The following TLK1 variants were observed in gnomAD, a reference collection of about 807,000 sequenced individuals.
TLK1 encodes the protein serine/threonine-protein kinase tousled-like 1.
Under a neutral mutation model 105.3 loss-of-function variants are expected in TLK1, and 24 were observed. The observed-to-expected ratio is 0.23, with a 90% CI of 0.17 to 0.32. TLK1 has a LOEUF of 0.32. Among genes scored for constraint, TLK1 ranks in the 10% least tolerant of loss-of-function variants. TLK1 has a pLI of 1.00. For synonymous variants in TLK1, 321 were observed against 310.4 expected (o/e 1.03, Z -0.36); for missense variants, 558 against 910.5 (o/e 0.61, Z 4.98).
intron 1 of TLK1, among the ~76,000 whole-genome samples, chr2:171,202,254 G>C (rs1444719558): frequency 2.6e-5 from 4 of 151,936 alleles, no homozygotes; most frequent in Non-Finnish European, 5.9e-5. Flanking sequence ...TCAGGAGTTC[G>C]AGATCAGCCT....
rs559094369 is a variant in TLK1, at chr2:171,112,347, T to C, written c.258+5392A>G. ...TTTAAGAATCTATTAAATTATTGTATTAATAATCCAAAGGAGAAAAATCTG... is the reference window on the plus strand; with the variant it reads ...TTTAAGAATCTATTAAATTATTGTACTAATAATCCAAAGGAGAAAAATCTG... On this transcript the variant is annotated intron_variant, in intron 2 of 20. Transcript: ENST00000431350. Among the ~76,000 whole-genome samples the C allele has an allele frequency of 2.2e-4, 34 of 152,340 alleles. No homozygotes were observed. In the South Asian group the frequency reaches 6.6e-3, roughly 30 times the overall value.
At position 171,092,632 on chromosome 2, in the gene TLK1, A is replaced by G. The variant is rs1334109529; in HGVS notation, c.259-9780T>C. Among the ~76,000 whole-genome samples, 6 of 152,280 alleles carry G rather than the reference A, an allele frequency of 3.9e-5. No individual in the cohort carries two copies. In the East Asian group the frequency reaches 1.2e-3, roughly 29 times the overall value. ...ATGTGGGTTAAACCTGCAAACTGTT[A>G]AGACCACCCTCCTACCCCCATGGAC... On this transcript the variant is annotated intron_variant, in intron 2 of 20. Coordinates refer to ENST00000431350, the MANE Select transcript of TLK1 (RefSeq NM_012290.5).
rs1684481904 is a variant in TLK1, at chr2:171,003,273, C to CCA, written c.1904+2873_1904+2874insTG. On this transcript the variant is annotated intron_variant, in intron 18 of 20. Transcript: ENST00000431350. ...TGGGCGACAGAGCAAGACTCCGTCT[C>CCA]AAAAAAAAAAAAAAAAAAAAAAAAA... 4.4e-5 allele frequency among the ~76,000 whole-genome samples: 3 copies of CCA among 68,508 alleles called. No homozygotes were observed. The South Asian group carries it at 1.3e-3, about 31-fold the overall frequency. 44.9% of individuals were successfully genotyped at this position (68,508 alleles called of 152,430 possible).
rs78714177 is a variant in TLK1 at position 171,065,883 on chromosome 2, G to A, written c.331-4727C>T. Among the ~76,000 whole-genome samples the A allele has an allele frequency of 2.4e-4, 36 of 152,258 alleles. 1 individual carries two copies. In the East Asian group the frequency reaches 6.9e-3, roughly 29 times the overall value. ...TCATACTTGGGTACCAAATTCAAGG[G>A]TACTATAATTTGAACAAATGGCATG... On this transcript the variant is annotated intron_variant, in intron 3 of 20. Transcript: ENST00000431350.
chr2:171,007,201 A>G, intron 14 of TLK1, 138 bp from the exon 15 acceptor site: 1 of 630,788 alleles, frequency 1.6e-6, no homozygotes, highest in South Asian at 2.2e-5. Context: ...TTCTCTGCTA[A>G]GACTATATAT....
chr2:171,103,500 C>G (rs557063479), intron 2 of TLK1, among the ~76,000 whole-genome samples: 2 of 152,092 alleles, frequency 1.3e-5, no homozygotes, highest in African/African-American at 4.8e-5. Flanking sequence ...CCTCAGCCTC[C>G]CAAAGTGGTG....
intron 3 of TLK1, among the ~76,000 whole-genome samples, chr2:171,065,686 C>T (rs945163911): frequency 1.3e-5 from 2 of 152,086 alleles, no homozygotes; most frequent in African/African-American, 2.4e-5. Flanking sequence ...TACAGGCGCC[C>T]GCCACTATGC....
rs1215678938 is a variant in TLK1, at chr2:170,993,075, A to G, written c.*705T>C. ...TAATTTAGTGAATTCAACTGATTTC[A>G]ACACAAGCAGCTCATTTTGTCAAAG... is the stretch of plus-strand genomic sequence containing the variant. On this transcript the variant is annotated 3_prime_UTR_variant, in exon 21 of 21. Coordinates refer to ENST00000431350, the MANE Select transcript of TLK1 (RefSeq NM_012290.5). The G allele has an allele frequency of 1.3e-5, 2 of 152,670 alleles. No homozygotes were observed. Among genetic ancestry groups the G allele is most frequent in the South Asian group, 2.1e-4 (1 of 4,832 alleles). The allele number at this position is 152,670 out of a possible 1,614,324, so 9.5% of individuals were successfully genotyped here.
intron 18 of TLK1, among the ~76,000 whole-genome samples, chr2:171,000,376 C>CAAAA (rs34800888): frequency 3.8e-5 from 3 of 78,340 alleles, no homozygotes; most frequent in Non-Finnish European, 5.0e-5. Context: ...GAAACTCTGT[C>CAAAA]AAAAAAAAAA....
chr2:171,141,447 T>C (rs527938194), intron 1 of TLK1, among the ~76,000 whole-genome samples: 8 of 152,278 alleles, frequency 5.3e-5, no homozygotes, highest in Admixed American at 2.6e-4. Context: ...GTCACAGTTA[T>C]AAGAAGTCCT....
chr2:171,141,578 C>A (rs960271387), intron 1 of TLK1, among the ~76,000 whole-genome samples: 1 of 152,064 alleles, frequency 6.6e-6, no homozygotes, highest in Admixed American at 6.5e-5. Context: ...GATCTACAAG[C>A]TAGATTACAG....
At chr2:171,116,007 T>C (rs1690410688) in intron 2 of TLK1, among the ~76,000 whole-genome samples, 2 of 152,198 alleles carry the variant, frequency 1.3e-5, no homozygotes, top group Non-Finnish European at 2.9e-5. Context: ...AAATTAGTAG[T>C]AAAATAGCTT....
At chr2:171,194,809 T>C (rs1435557691) in intron 1 of TLK1, among the ~76,000 whole-genome samples, 1 of 120,852 alleles carries the variant, frequency 8.3e-6, no homozygotes, top group Non-Finnish European at 1.6e-5. Context: ...AGAGCGAGAC[T>C]CCGTCTCAGG....
chr2:171,010,792 T>C (rs1235523235), intron 14 of TLK1, among the ~76,000 whole-genome samples: 1 of 152,202 alleles, frequency 6.6e-6, no homozygotes, highest in African/African-American at 2.4e-5. Flanking sequence ...AATCTTTCTA[T>C]AAGTGTACTG....
intron 1 of TLK1, among the ~76,000 whole-genome samples, chr2:171,180,231 A>C (rs562926733): frequency 1.3e-5 from 2 of 152,234 alleles, no homozygotes; most frequent in African/African-American, 4.8e-5. Context: ...TAAAAAAAAA[A>C]AATTGCCCCC....
chr2:171,006,493 T>C lies in TLK1; in HGVS notation c.1749A>G (p.Ile583Met). 1 of 1,607,656 alleles carries C rather than the reference T, an allele frequency of 6.2e-7. No individual in the cohort carries two copies. The highest frequency in any genetic ancestry group is 8.5e-7 in the Non-Finnish European group (1 of 1,177,676). ...AATTACCTGGCTTAAGATCATAATGTATAATAGGGGGTTTGATCTCATTGA... is the reference window on the plus strand; with the variant it reads ...AATTACCTGGCTTAAGATCATAATGCATAATAGGGGGTTTGATCTCATTGA... Reference protein sequence around the residue: ...RYLNEIKPPIIHYDLKPGNIL... With the variant: ...RYLNEIKPPIMHYDLKPGNIL... Residue 583 changes from isoleucine (I) to methionine (M), a missense_variant, in exon 17 of 21, where the codon ATA becomes ATG. By Grantham distance (10) the Ile-to-Met change is conservative. Coordinates refer to ENST00000431350, the MANE Select transcript of TLK1 (RefSeq NM_012290.5).
chr2:171,089,464 A>G (rs1689128118), intron 2 of TLK1, among the ~76,000 whole-genome samples: 1 of 152,240 alleles, frequency 6.6e-6, no homozygotes, highest in Admixed American at 6.5e-5. Context: ...AAGAGTTCAA[A>G]GTGAAGAGTT....
chr2:171,058,075 C>T (rs1461723353), intron 5 of TLK1, 76 bp downstream of exon 5: 3 of 1,471,652 alleles, frequency 2.0e-6, no homozygotes, highest in Non-Finnish European at 2.8e-6. Context: ...TGACCTTGTG[C>T]TTCTAAGAAA....
intron 2 of TLK1, among the ~76,000 whole-genome samples, chr2:171,100,913 A>C (rs1009316896): frequency 6.6e-6 from 1 of 152,246 alleles, no homozygotes; most frequent in Non-Finnish European, 1.5e-5. Context: ...AAACGGAAAC[A>C]ACCACCCAAT....
Sources: gnomAD v4.1 joint callset for allele counts (sites outside exome capture counted in the v4.1 genomes callset) on GRCh38, gnomAD v4.1.1 for gene constraint, MANE v1.5 for transcripts, NCBI Gene and HGNC (gene_info 2026-07-23, HGNC 2026-07-21) for gene names.